ZNF831: variants seen among roughly 807,000 people sequenced by gnomAD.
The protein encoded by ZNF831 is chromosome 20 open reading frame 174.
In ZNF831, 59 loss-of-function variants were observed where a neutral mutation model predicts 95.8. That is an observed-to-expected ratio of 0.62 (90% CI 0.50 to 0.77). The LOEUF (loss-of-function observed/expected upper bound fraction) is 0.77, where lower values mean the gene tolerates loss of function less well. ZNF831 is among the 30% of genes least tolerant of loss of function. ZNF831 has a pLI of 0.00. For missense variants in ZNF831, 2,205 were observed against 2,164.0 expected (o/e 1.02, Z -0.38); for synonymous variants, 961 against 925.5 (o/e 1.04, Z -0.70).
intron 1 of ZNF831, among the ~76,000 whole-genome samples, chr20:59,127,158 C>T (rs1295057741): frequency 1.3e-5 from 2 of 152,198 alleles, no homozygotes; most frequent in Non-Finnish European, 2.9e-5. Flanking sequence ...TCACACCTTA[C>T]ATCTAATCCA....
intron 1 of ZNF831, among the ~76,000 whole-genome samples, chr20:59,138,316 A>G (rs1979575028): frequency 6.6e-6 from 1 of 152,074 alleles, no homozygotes; most frequent in South Asian, 2.1e-4. Flanking sequence ...GGGCTTTAGG[A>G]TGGGTCTCCC....
At chr20:59,177,487 C>G (rs971351671) in intron 1 of ZNF831, among the ~76,000 whole-genome samples, 3 of 152,194 alleles carry the variant, frequency 2.0e-5, no homozygotes, top group Non-Finnish European at 4.4e-5. Flanking sequence ...AACACTCTTA[C>G]CCCAGGTACC....
intron 1 of ZNF831, among the ~76,000 whole-genome samples, chr20:59,185,674 C>T (rs1004225476): frequency 3.3e-5 from 5 of 152,158 alleles, no homozygotes; most frequent in Non-Finnish European, 4.4e-5. Context: ...ACGCACACTC[C>T]GGGCTGTTGA....
intron 2 of ZNF831, among the ~76,000 whole-genome samples, chr20:59,147,542 G>T (rs1888897130): frequency 6.6e-6 from 1 of 152,208 alleles, no homozygotes; most frequent in Non-Finnish European, 1.5e-5. Flanking sequence ...TAAAAGGAAA[G>T]GCTGTACAAG....
intron 4 of ZNF831, among the ~76,000 whole-genome samples, chr20:59,212,235 A>C (rs1462714985): frequency 6.6e-6 from 1 of 152,200 alleles, no homozygotes; most frequent in Non-Finnish European, 1.5e-5. Flanking sequence ...CCTCTCTCCT[A>C]AACTATTCCA....
upstream of ZNF831, among the ~76,000 whole-genome samples, chr20:59,161,542 G>A (rs555158345): frequency 2.6e-5 from 4 of 152,346 alleles, no homozygotes; most frequent in East Asian, 7.7e-4. Flanking sequence ...GCCTCCCAAA[G>A]TGCTGGGATT....
At position 59,191,006 on chromosome 20, in the gene ZNF831, C is replaced by G. The variant is rs2146541392; in HGVS notation, c.-14C>G. 6.8e-7 allele frequency: 1 copy of G among 1,473,122 alleles called. No homozygotes were observed. The highest frequency in any genetic ancestry group is 1.4e-5 in the South Asian group (1 of 69,112). 91.3% of individuals were successfully genotyped at this position (1,473,122 alleles called of 1,614,324 possible). ...CAGGTTTTCCAGCATTGTGGGCCATCCAGATGATGCGGAATGGAGGTTCCA... is the reference window on the plus strand; with the variant it reads ...CAGGTTTTCCAGCATTGTGGGCCATGCAGATGATGCGGAATGGAGGTTCCA... On this transcript the variant is annotated 5_prime_UTR_variant, in exon 2 of 6. In the 5' UTR this introduces an upstream ATG that the reference lacks. Transcript: ENST00000371030.
intron 4 of ZNF831, among the ~76,000 whole-genome samples, chr20:59,225,269 T>C (rs4810162): frequency 0.098 from 14,890 of 152,254 alleles, 1,003 homozygotes; most frequent in East Asian, 0.32. Context: ...TTTTATTTTG[T>C]TAGGTTTTGT....
chr20:59,219,921 G>A (rs1349663582), intron 4 of ZNF831, among the ~76,000 whole-genome samples: 1 of 152,094 alleles, frequency 6.6e-6, no homozygotes. Context: ...TGGGCAGGTG[G>A]GTGGGTAGGA....
rs1200678964 is a variant in ZNF831, at chr20:59,169,159, A to C, written c.-37+4952A>C. ...TTCTTTTAAAGTTAGAATTCTCCAC[A>C]TCAGGGCCTGGAGACTTCTTAGCAG... On this transcript the variant is annotated intron_variant, in intron 1 of 5. Coordinates refer to ENST00000371030, the MANE Select transcript of ZNF831 (RefSeq NM_178457.3). The surrounding 1 kb of genome is among the most constrained non-coding windows in gnomAD (Gnocchi z 4.1). Among the ~76,000 whole-genome samples the C allele has an allele frequency of 6.6e-6, 1 of 152,214 alleles. No individual in the cohort carries two copies. The highest frequency in any genetic ancestry group is 1.5e-5 in the Non-Finnish European group (1 of 68,042).
intron 4 of ZNF831, among the ~76,000 whole-genome samples, chr20:59,231,734 C>T (rs1217570971): frequency 6.6e-6 from 1 of 152,196 alleles, no homozygotes; most frequent in Non-Finnish European, 1.5e-5. Context: ...CCACTGTCCG[C>T]CCCTTGCCGT....
rs2146600165 is a variant in ZNF831, at chr20:59,194,476, T to A, written c.3457T>A (p.Ser1153Thr). ...VPPGWPELAL[S>T]SHSGTSRSHS... ...CCCAGGCTGGCCAGAGCTGGCCTTG[T>A]CTTCCCACTCAGGGACGTCCCGGAG... Residue 1153 changes from serine (S) to threonine (T), a missense_variant, in exon 2 of 6, where the codon TCT (serine) becomes ACT (threonine). Coordinates refer to ENST00000371030, the MANE Select transcript of ZNF831 (RefSeq NM_178457.3). 6.2e-7 allele frequency: 1 copy of A among 1,612,962 alleles called. No individual in the cohort carries two copies. The highest frequency in any genetic ancestry group is 8.5e-7 in the Non-Finnish European group (1 of 1,179,680).
intron 4 of ZNF831, among the ~76,000 whole-genome samples, chr20:59,250,346 C>T (rs1311240123): frequency 1.3e-5 from 2 of 152,162 alleles, no homozygotes; most frequent in African/African-American, 2.4e-5. Flanking sequence ...AGTCAGGAGA[C>T]CCGAGGACTC....
At chr20:59,168,801 T>A (rs1981498716) in intron 1 of ZNF831, among the ~76,000 whole-genome samples, 1 of 152,174 alleles carries the variant, frequency 6.6e-6, no homozygotes, top group African/African-American at 2.4e-5. Flanking sequence ...TATGAATGGG[T>A]GTTGAATTTT....
chr20:59,235,105 C>T (rs1986928415), intron 4 of ZNF831, among the ~76,000 whole-genome samples: 3 of 152,028 alleles, frequency 2.0e-5, no homozygotes, highest in African/African-American at 7.3e-5. Flanking sequence ...GGTCAGGTGC[C>T]TTGTAGGATG....
chr20:59,253,071 C>T lies in ZNF831; in HGVS notation c.4121C>T (p.Thr1374Ile), dbSNP rs1281230241. ...AAGAAGGAAGGTGACTGCAGACAAA[C>T]CTTAGGAACCCTCTCTCTTGGTACA... ...EEKKEGDCRQ[T>I]LGTLSLGTSS... Residue 1374 changes from threonine (T) to isoleucine (I), a missense_variant, in exon 5 of 6, where the codon ACC becomes ATC. Transcript: ENST00000371030. 6.2e-7 allele frequency: 1 copy of T among 1,614,072 alleles called. No homozygotes were observed. Among genetic ancestry groups the T allele is most frequent in the East Asian group, 2.2e-5 (1 of 44,864 alleles).
At position 59,193,854 on chromosome 20, in the gene ZNF831, A is replaced by T. The variant is rs753467154; in HGVS notation, c.2835A>T (p.Leu945Phe). ...NAFSPKYLLR[L>F]PQAETPLPLP... ...TTTCCCCCAAGTACCTCCTCAGGTT[A>T]CCTCAGGCAGAGACCCCCTTACCAC... The change falls in exon 2 of 6, where the codon TTA (leucine) becomes TTT (phenylalanine). Residue 945 changes from leucine (L) to phenylalanine (F), a missense_variant. Transcript: ENST00000371030. The T allele has an allele frequency of 3.1e-6, 5 of 1,613,076 alleles. No individual in the cohort carries two copies. In the East Asian group the frequency reaches 1.1e-4, roughly 36 times the overall value.
At chr20:59,216,595 C>T (rs74907314) in intron 4 of ZNF831, among the ~76,000 whole-genome samples, 1,833 of 152,170 alleles carry the variant, frequency 0.012, 28 homozygotes, top group African/African-American at 0.041. Flanking sequence ...AAGTGGTACA[C>T]ACATGATAGA....
intron 2 of ZNF831, 150 bp downstream of exon 2, chr20:59,194,907 C>A: frequency 8.7e-7 from 1 of 1,147,622 alleles, no homozygotes; most frequent in Non-Finnish European, 1.2e-6. Context: ...GGGGATACCA[C>A]ATAGACAGCA....
Sources: gnomAD v4.1 joint callset for allele counts (sites outside exome capture counted in the v4.1 genomes callset) on GRCh38, gnomAD v4.1.1 for gene constraint, Gnocchi (gnomAD v3.1) non-coding constraint, MANE v1.5 for transcripts, NCBI Gene and HGNC (gene_info 2026-07-23, HGNC 2026-07-21) for gene names.